Variants in CDHR3 observed in about 807,000 individuals in gnomAD.
CDHR3 encodes cadherin-related family member 3.
A neutral mutation model predicts 86.6 loss-of-function variants in CDHR3; 79 were observed. The ratio of observed to expected loss-of-function variants is 0.91; its 90% CI spans 0.76 to 1.10. CDHR3 has a LOEUF of 1.10. CDHR3 is among the 50% of genes least tolerant of loss of function. CDHR3 has a pLI of 0.00. For missense variants in CDHR3, 1,081 were observed against 1,077.6 expected (o/e 1.00, Z -0.04); for synonymous variants, 421 against 402.4 (o/e 1.05, Z -0.55).
chr7:106,024,304 C>T lies in CDHR3; in HGVS notation c.2077-77C>T. On this transcript the variant is annotated intron_variant, in intron 14 of 18. Coordinates refer to ENST00000317716, the MANE Select transcript of CDHR3 (RefSeq NM_152750.5). ...TAACAATAACAAAGAGTGGAATAAA[C>T]ACTCAACACGAGAGAGTGCTGAATG... 4 of 1,274,638 alleles carry T rather than the reference C, an allele frequency of 3.1e-6. No individual in the cohort carries two copies. The South Asian group carries it at 4.1e-5, about 13-fold the overall frequency. The allele number at this position is 1,274,638 out of a possible 1,614,324, so 79.0% of individuals were successfully genotyped here. A position where few individuals can be genotyped will look rare whatever the true frequency, so the allele number is the denominator to read the frequency against.
Position 106,015,149 on chromosome 7 carries a change from A to C in CDHR3, c.1263A>C (p.Leu421=), listed in dbSNP as rs1406082651. ...TAGACTACGAAAATCCAAGTAACCT[A>C]GCAGCCGGCAATAAATATACGGTGA... ...GDLDYENPSN[L]AAGNKYTVII... Residue 421 remains leucine, a synonymous_variant, in exon 10 of 19, where the codon CTA becomes CTC. Transcript: ENST00000317716. 2 of 1,611,264 alleles carry C rather than the reference A, an allele frequency of 1.2e-6. No homozygotes were observed. Among genetic ancestry groups the C allele is most frequent in the Admixed American group, 3.3e-5 (2 of 59,776 alleles).
intron 6 of CDHR3, among the ~76,000 whole-genome samples, chr7:106,000,104 T>A (rs571343667): frequency 6.6e-6 from 1 of 152,352 alleles, no homozygotes; most frequent in African/African-American, 2.4e-5. Flanking sequence ...TTCCACTTTG[T>A]CTATTCCTAG....
intron 1 of CDHR3, among the ~76,000 whole-genome samples, chr7:105,969,354 T>C (rs1441962317): frequency 7.5e-6 from 1 of 132,708 alleles, no homozygotes; most frequent in African/African-American, 2.9e-5. Flanking sequence ...GAGCCGAGAT[T>C]GCGCCACTGC....
At chr7:105,999,848 C>A (rs1832861734) in intron 6 of CDHR3, among the ~76,000 whole-genome samples, 1 of 152,214 alleles carries the variant, frequency 6.6e-6, no homozygotes, top group African/African-American at 2.4e-5. Context: ...CCTGGTGATG[C>A]TTTTACTAGG....
intron 4 of CDHR3, among the ~76,000 whole-genome samples, chr7:105,989,043 G>C (rs1174738419): frequency 2.0e-5 from 3 of 152,160 alleles, no homozygotes; most frequent in Non-Finnish European, 1.5e-5. Flanking sequence ...CCAGGCACAG[G>C]CTTAGATCTA....
intron 13 of CDHR3, among the ~76,000 whole-genome samples, chr7:106,020,871 C>T (rs1836459989): frequency 6.6e-6 from 1 of 152,120 alleles, no homozygotes; most frequent in Non-Finnish European, 1.5e-5. Context: ...TCAGTTTCCC[C>T]TTCTTGTCTT....
chr7:106,032,753 T>A lies in CDHR3; in HGVS notation c.*56T>A. On this transcript the variant is annotated 3_prime_UTR_variant, in exon 19 of 19. Coordinates refer to ENST00000317716, the MANE Select transcript of CDHR3 (RefSeq NM_152750.5). ...TGAGATGCTGCCTCACCCTAAATTCTATGGGGATGGTGTGGGCATGGTGTA... is the reference window on the plus strand; with the variant it reads ...TGAGATGCTGCCTCACCCTAAATTCAATGGGGATGGTGTGGGCATGGTGTA... The A allele has an allele frequency of 6.6e-7, 1 of 1,520,364 alleles. No individual in the cohort carries two copies. The highest frequency in any genetic ancestry group is 1.4e-5 in the African/African-American group (1 of 72,942). The allele number at this position is 1,520,364 out of a possible 1,614,324, so 94.2% of individuals were successfully genotyped here.
intron 9 of CDHR3, 119 bp from the exon 10 acceptor site, chr7:106,014,992 G>A (rs555471544): frequency 8.4e-6 from 6 of 713,182 alleles, no homozygotes; most frequent in South Asian, 8.3e-5. Flanking sequence ...TGGGCAAAGT[G>A]TTTGCCAAAA....
chr7:105,993,514 AAT>A (rs768831348), intron 4 of CDHR3, among the ~76,000 whole-genome samples: 1 of 151,764 alleles, frequency 6.6e-6, no homozygotes, highest in Non-Finnish European at 1.5e-5. Flanking sequence ...TACAAAAAAA[AAT>A]ATAAAAAAAA....
intron 7 of CDHR3, among the ~76,000 whole-genome samples, chr7:106,003,151 A>AAT (rs1442152962): frequency 6.6e-6 from 1 of 151,780 alleles, no homozygotes; most frequent in Non-Finnish European, 1.5e-5. Context: ...AAAAAAAAAA[A>AAT]AGTGATTCAT....
rs531703451 is a variant in CDHR3, at chr7:106,021,811, C to T, written c.1826-387C>T. 2.4e-3 allele frequency among the ~76,000 whole-genome samples: 358 copies of T among 152,340 alleles called. 2 individuals are homozygous for T. The highest frequency in any genetic ancestry group is 8.2e-3 in the African/African-American group (339 of 41,572). On this transcript the variant is annotated intron_variant, in intron 13 of 18. Coordinates refer to ENST00000317716, the MANE Select transcript of CDHR3 (RefSeq NM_152750.5). ...CTATTCTACCCTCTTGAAACCCACT[C>T]ATTTGTTTGAGTGTGAATTACACGT... is the stretch of plus-strand genomic sequence containing the variant.
chr7:105,988,247 T>C (rs940066646), intron 4 of CDHR3, among the ~76,000 whole-genome samples: 14 of 152,212 alleles, frequency 9.2e-5, no homozygotes, highest in African/African-American at 3.4e-4. Context: ...CATTAGAACA[T>C]ACTTAGGCTG....
rs950411087 is a variant in CDHR3 at position 106,019,962 on chromosome 7, G to C, written c.1654-411G>C. 1.3e-4 allele frequency among the ~76,000 whole-genome samples: 20 copies of C among 152,304 alleles called. No individual in the cohort carries two copies. The Middle Eastern group carries it at 0.031, about 233-fold the overall frequency. On this transcript the variant is annotated intron_variant, in intron 12 of 18. Coordinates refer to ENST00000317716, the MANE Select transcript of CDHR3 (RefSeq NM_152750.5). ...GGCAGCAGGCAAGGTGGCACATGGAGACACCGTAAATCCACACCTTCCTGG... is the reference window on the plus strand; with the variant it reads ...GGCAGCAGGCAAGGTGGCACATGGACACACCGTAAATCCACACCTTCCTGG...
intron 9 of CDHR3, among the ~76,000 whole-genome samples, chr7:106,013,602 G>C (rs1227835147): frequency 6.6e-6 from 1 of 152,140 alleles, no homozygotes; most frequent in Non-Finnish European, 1.5e-5. Context: ...GCTGGAAGGT[G>C]GTGGGGAAGG....
chr7:105,964,202 G>A (rs1826503585), intron 1 of CDHR3, among the ~76,000 whole-genome samples: 1 of 151,918 alleles, frequency 6.6e-6, no homozygotes, highest in South Asian at 2.1e-4. Context: ...AGTATTTTGA[G>A]GTTTCCTTCA....
At chr7:105,982,912 G>T (rs1563242734) in intron 3 of CDHR3, among the ~76,000 whole-genome samples, 1 of 151,312 alleles carries the variant, frequency 6.6e-6, no homozygotes, top group Non-Finnish European at 1.5e-5. Flanking sequence ...GAACCTGGGA[G>T]GTCGAGGCTG....
At chr7:106,006,069 C>T (rs1202744392) in intron 8 of CDHR3, among the ~76,000 whole-genome samples, 1 of 152,192 alleles carries the variant, frequency 6.6e-6, no homozygotes, top group Non-Finnish European at 1.5e-5. Flanking sequence ...GAGCAAGTCA[C>T]ATCTTACATG....
intron 18 of CDHR3, among the ~76,000 whole-genome samples, chr7:106,031,691 T>C (rs949170837): frequency 3.3e-5 from 5 of 152,042 alleles, no homozygotes; most frequent in African/African-American, 1.2e-4. Flanking sequence ...TCATGCTGTA[T>C]GGAAAAGACA....
At chr7:106,024,621 G>C in intron 15 of CDHR3, 59 bp downstream of exon 15, 1 of 1,515,860 alleles carries the variant, frequency 6.6e-7, no homozygotes, top group Non-Finnish European at 9.0e-7. Context: ...TGTTTCTGGT[G>C]ACATCAGGAG....
Sources: gnomAD v4.1 joint callset for allele counts (sites outside exome capture counted in the v4.1 genomes callset) on GRCh38, gnomAD v4.1.1 for gene constraint, MANE v1.5 for transcripts, NCBI Gene and HGNC (gene_info 2026-07-23, HGNC 2026-07-21) for gene names.